Variants in MYH1 observed in about 807,000 individuals in gnomAD.
The protein encoded by MYH1 is myosin-1.
Under a neutral mutation model 225.6 loss-of-function variants are expected in MYH1, and 214 were observed. That is an observed-to-expected ratio of 0.95 (90% CI 0.85 to 1.06). MYH1 has a LOEUF of 1.06. MYH1 is among the 50% of genes least tolerant of loss of function. The pLI is 0.00. For synonymous variants in MYH1, 774 were observed against 842.3 expected (o/e 0.92, Z 1.40); for missense variants, 2,098 against 2,344.2 (o/e 0.89, Z 2.17).
chr17:10,508,290 A>AT, intron 16 of MYH1, 73 bp downstream of exon 16: 2 of 1,495,932 alleles, frequency 1.3e-6, no homozygotes, highest in Non-Finnish European at 1.8e-6. Flanking sequence ...AAATGCTGGG[A>AT]TTACAGGCAC....
Position 10,497,057 on chromosome 17 carries a change from T to TA in MYH1, c.4656+11dup. 6.2e-7 allele frequency: 1 copy of TA among 1,611,354 alleles called. No individual in the cohort carries two copies. ...CTTCTAATTGTTTTAGAGTATGCAA[T>TA]AAAATGCTTACCTCTGCCTCCTCTA... is the stretch of plus-strand genomic sequence containing the variant. On this transcript the variant is annotated intron_variant, in intron 33 of 39. Transcript: ENST00000226207.
Position 10,498,686 on chromosome 17 carries a change from TG to T in MYH1, c.4120del (p.Gln1374SerfsTer35). On this transcript the variant is annotated frameshift_variant, in exon 30 of 40. Coordinates refer to ENST00000226207, the MANE Select transcript of MYH1 (RefSeq NM_005963.4). LOFTEE classifies it high-confidence loss of function. ...ATCTGTCTCATATTTGGTCCTCCAC[TG>T]GGCAACCTCACTGTTGGCCTTGGAC... ...AMSKANSEVAQWRTKYETDAI... is the reference protein window; with the variant it reads ...AMSKANSEVAXWRTKYETDAI... 6.2e-7 allele frequency: 1 copy of T among 1,614,046 alleles called. No individual in the cohort carries two copies. The highest frequency in any genetic ancestry group is 8.5e-7 in the Non-Finnish European group (1 of 1,179,898).
Position 10,507,951 on chromosome 17 carries a change from C to T in MYH1, c.1903G>A (p.Gly635Ser). 1 of 1,613,344 alleles carries T rather than the reference C, an allele frequency of 6.2e-7. No individual in the cohort carries two copies. The highest frequency in any genetic ancestry group is 1.7e-5 in the Admixed American group (1 of 59,998). Residue 635 changes from glycine (G) to serine (S), a missense_variant, in exon 17 of 40, where the codon GGC becomes AGC. Physicochemically the swap from Gly to Ser is moderately conservative, Grantham distance 56. Transcript: ENST00000226207. ...VGATGAEAEA[G>S]GGKKGGKKKG... ...TTCTTACCACCTTTCTTTCCACCGC[C>T]AGCCTCTGAGGGGAAAAAGAAAGCA...
At chr17:10,499,817 T>C in intron 28 of MYH1, among the ~76,000 whole-genome samples, 1 of 152,202 alleles carries the variant, frequency 6.6e-6, no homozygotes, top group Non-Finnish European at 1.5e-5. Flanking sequence ...GAAAGAATAG[T>C]ATTTGAATAC....
Position 10,508,555 on chromosome 17 carries a change from G to C in MYH1, c.1705C>G (p.Pro569Ala), listed in dbSNP as rs199899730. Reference protein sequence around the residue: ...HLGKSNNFQKPKPAKGKPEAH... With the variant: ...HLGKSNNFQKAKPAKGKPEAH... The stretch of plus-strand genomic sequence containing the variant: ...TCAGGCTTGCCTTTGGCAGGCTTGG[G>C]CTTCTGGAAGTTATTGGATTTTCCA... Residue 569 changes from proline (P) to alanine (A), a missense_variant, in exon 16 of 40, where the codon CCC becomes GCC. Physicochemically the swap from Pro to Ala is conservative, Grantham distance 27. Transcript: ENST00000226207. 41 of 1,614,130 alleles carry C rather than the reference G, an allele frequency of 2.5e-5. No individual in the cohort carries two copies. The South Asian group carries it at 3.7e-4, about 15-fold the overall frequency.
chr17:10,496,045 G>A lies in MYH1; in HGVS notation c.5074C>T (p.Leu1692=). The A allele has an allele frequency of 3.7e-6, 6 of 1,614,068 alleles. No individual in the cohort carries two copies. Among genetic ancestry groups the A allele is most frequent in the Non-Finnish European group, 5.1e-6 (6 of 1,180,010 alleles). The change falls in exon 35 of 40, where the codon CTG becomes TTG. Residue 1692 remains leucine, a synonymous_variant. Transcript: ENST00000226207. ...ANLLQAEIEE[L]RATLEQTERS... is the part of the protein sequence containing the mutation. ...TCTGTCTGTTCCAGAGTGGCCCGCA[G>A]CTCCTCGATCTCAGCCTGCAGCAGG... is the stretch of plus-strand genomic sequence containing the variant.
Position 10,516,283 on chromosome 17 carries a change from G to T in MYH1, c.264C>A (p.Ile88=). The change falls in exon 4 of 40, where the codon ATC becomes ATA. Residue 88 remains isoleucine, a synonymous_variant. Transcript: ENST00000226207. ...FPMNPPKYDK[I]EDMAMMTHLH... ...GATGAGTCATCATGGCCATGTCCTC[G>T]ATCTTGTCATATTTGGGAGGGTTCA... is the stretch of plus-strand genomic sequence containing the variant. 1.9e-6 allele frequency: 3 copies of T among 1,613,866 alleles called. No homozygotes were observed. The highest frequency in any genetic ancestry group is 2.5e-6 in the Non-Finnish European group (3 of 1,179,928).
At position 10,516,293 on chromosome 17, in the gene MYH1, T is replaced by C. The variant is rs748378011; in HGVS notation, c.254A>G (p.Tyr85Cys). ...DQVFPMNPPKYDKIEDMAMMT... is the reference protein window; with the variant it reads ...DQVFPMNPPKCDKIEDMAMMT... ...CATGGCCATGTCCTCGATCTTGTCATATTTGGGAGGGTTCATGGGGAAGAC... is the reference window on the plus strand; with the variant it reads ...CATGGCCATGTCCTCGATCTTGTCACATTTGGGAGGGTTCATGGGGAAGAC... Residue 85 changes from tyrosine (Y) to cysteine (C), a missense_variant, in exon 4 of 40, where the codon TAT becomes TGT. Tyr to Cys is a radical substitution (Grantham distance 194). Coordinates refer to ENST00000226207, the MANE Select transcript of MYH1 (RefSeq NM_005963.4). 6 of 1,614,220 alleles carry C rather than the reference T, an allele frequency of 3.7e-6. No homozygotes were observed. The highest frequency in any genetic ancestry group is 1.6e-4 in the Middle Eastern group (1 of 6,062).
rs201083071 is a variant in MYH1 at position 10,516,619 on chromosome 17, G to A, written c.24C>T (p.Ala8=). MSSDSEM[A]IFGEAAPFLR... ...GGAAAGGAGCAGCCTCCCCAAAAAT[G>A]GCCATCTCAGAGTCGGAACTCATGG... The change falls in exon 3 of 40, where the codon GCC becomes GCT. Residue 8 remains alanine (A), a synonymous_variant. Transcript: ENST00000226207. The A allele has an allele frequency of 5.4e-5, 87 of 1,614,160 alleles. No homozygotes were observed. In the Middle Eastern group the frequency reaches 6.6e-4, roughly 12 times the overall value.
At chr17:10,499,889 C>A (rs994272795) in intron 28 of MYH1, among the ~76,000 whole-genome samples, 3 of 152,142 alleles carry the variant, frequency 2.0e-5, no homozygotes, top group African/African-American at 7.2e-5. Context: ...GCCTAAATTA[C>A]CCATAAAACA....
At position 10,496,638 on chromosome 17, in the gene MYH1, A is replaced by T. The variant is rs536074132; in HGVS notation, c.4657-89T>A. 1.9e-6 allele frequency: 3 copies of T among 1,570,716 alleles called. No individual in the cohort carries two copies. In the African/African-American group the frequency reaches 4.1e-5, roughly 21 times the overall value. On this transcript the variant is annotated intron_variant, in intron 33 of 39. Transcript: ENST00000226207. ...AATGATTTATCATTCATGAAACCTT[A>T]TTTATAAATAGATTTCTAAGTAGTA...
In MYH1 at chr17:10,516,692, G is replaced by A. The variant is rs2073233701; in HGVS notation, c.-40-10C>T. 6.3e-7 allele frequency: 1 copy of A among 1,595,588 alleles called. No individual in the cohort carries two copies. The highest frequency in any genetic ancestry group is 1.8e-5 in the Admixed American group (1 of 57,082). On this transcript the variant is annotated splice_polypyrimidine_tract_variant and intron_variant, in intron 2 of 39. Coordinates refer to ENST00000226207, the MANE Select transcript of MYH1 (RefSeq NM_005963.4). Reference sequence around the variant, plus strand: ...CAGTTAAGGACCCTGGCTGGGAGAGGAAGAAAAGAAATTGTAGAAATTAAG... The same window carrying A: ...CAGTTAAGGACCCTGGCTGGGAGAGAAAGAAAAGAAATTGTAGAAATTAAG...
chr17:10,502,959 G>A (rs772951730), intron 23 of MYH1, 45 bp from the exon 24 acceptor site: 3 of 1,614,046 alleles, frequency 1.9e-6, no homozygotes, highest in South Asian at 2.2e-5. Context: ...AAGCACCTTT[G>A]TTGGGTGGCA....
At chr17:10,505,555 CAAG>C in intron 19 of MYH1, 44 bp from the exon 20 acceptor site, 1 of 1,602,354 alleles carries the variant, frequency 6.2e-7, no homozygotes, top group Non-Finnish European at 8.5e-7. Flanking sequence ...TTGCCACAGA[CAAG>C]AAATCTTCCT....
chr17:10,509,191 A>G (rs2073147535), intron 15 of MYH1, among the ~76,000 whole-genome samples: 1 of 152,206 alleles, frequency 6.6e-6, no homozygotes, highest in Non-Finnish European at 1.5e-5. Context: ...CTTTAGGATG[A>G]CAAAAAACAG....
Position 10,513,981 on chromosome 17 carries a change from C to T in MYH1, c.648+29G>A, listed in dbSNP as rs576625796. 39 of 1,613,990 alleles carry T rather than the reference C, an allele frequency of 2.4e-5. No homozygotes were observed. In the East Asian group the frequency reaches 7.8e-4, roughly 32 times the overall value. Reference sequence around the variant, plus strand: ...TTCCTACCTGAGAGTCCCGACAGAGCCTGGATTCTGACTAACAATCAGACT... The same window carrying T: ...TTCCTACCTGAGAGTCCCGACAGAGTCTGGATTCTGACTAACAATCAGACT... On this transcript the variant is annotated intron_variant, in intron 7 of 39. Coordinates refer to ENST00000226207, the MANE Select transcript of MYH1 (RefSeq NM_005963.4).
Position 10,516,063 on chromosome 17 carries a change from C to G in MYH1, c.368G>C (p.Cys123Ser), listed in dbSNP as rs1486257262. 1 of 1,614,054 alleles carries G rather than the reference C, an allele frequency of 6.2e-7. No homozygotes were observed. Among genetic ancestry groups the G allele is most frequent in the Non-Finnish European group, 8.5e-7 (1 of 1,179,948 alleles). Residue 123 changes from cysteine to serine, a missense_variant, in exon 5 of 40, where the codon TGT (cysteine) becomes TCT (serine). Physicochemically the swap from Cys to Ser is moderately radical, Grantham distance 112 (BLOSUM62 -1). Coordinates refer to ENST00000226207, the MANE Select transcript of MYH1 (RefSeq NM_005963.4). ...WMIYTYSGLFCVTVNPYKWLP... is the reference protein window; with the variant it reads ...WMIYTYSGLFSVTVNPYKWLP... The stretch of plus-strand genomic sequence containing the variant: ...CCACTTGTAGGGGTTGACAGTGACA[C>G]AGAACAAGCCTGAGTAGGTCTGCAC...
Position 10,494,382 on chromosome 17 carries a change from T to A in MYH1, c.5639A>T (p.Lys1880Ile). ...TTCTTCAGCTTGTCTCTTGTAGGAT[T>A]TCACCTTTGCTTGCAGTTTGTCCAC... ...DLVDKLQAKVKSYKRQAEEAE... is the reference protein window; with the variant it reads ...DLVDKLQAKVISYKRQAEEAE... The change falls in exon 39 of 40, where the codon AAA becomes ATA. Residue 1880 changes from lysine (K) to isoleucine (I), a missense_variant. Lys to Ile is a moderately radical substitution (Grantham distance 102). Transcript: ENST00000226207. 6.2e-7 allele frequency: 1 copy of A among 1,614,242 alleles called. No homozygotes were observed.
rs368654200 is a variant in MYH1 at position 10,501,109 on chromosome 17, C to T, written c.3738+1G>A. 1.5e-5 allele frequency: 25 copies of T among 1,613,394 alleles called. No homozygotes were observed. Among genetic ancestry groups the T allele is most frequent in the Non-Finnish European group, 2.0e-5 (24 of 1,179,500 alleles). On this transcript the variant is annotated splice_donor_variant, in intron 27 of 39. Transcript: ENST00000226207. LOFTEE classifies it high-confidence loss of function. ...TAATCAATGTGAAGTGTTGATTGTA[C>T]CTTGGCTTTGGAGACAGTCTCCATG...
Sources: allele counts gnomAD v4.1 joint callset (sites outside exome capture counted in the v4.1 genomes callset), GRCh38; gene constraint gnomAD v4.1.1; transcripts MANE v1.5; gene names NCBI Gene and HGNC (gene_info 2026-07-23, HGNC 2026-07-21).